Variants in ATXN1 observed in about 807,000 individuals in gnomAD.
ATXN1 encodes ataxin 1.
ATXN1 carries 8 observed loss-of-function variants against 56.4 expected under a neutral mutation model. The ratio of observed to expected loss-of-function variants is 0.14; its 90% confidence interval spans 0.08 to 0.26. The LOEUF is 0.26. Among genes scored for constraint, ATXN1 ranks in the 10% least tolerant of loss-of-function variants. The pLI is 1.00. For missense variants in ATXN1, 987 were observed against 1,106.5 expected (o/e 0.89, Z 1.53); for synonymous variants, 514 against 494.6 (o/e 1.04, Z -0.52).
chr6:16,681,618 T>G (rs1254015102), intron 2 of ATXN1, among the ~76,000 whole-genome samples: 2 of 152,248 alleles, frequency 1.3e-5, no homozygotes, highest in Non-Finnish European at 2.9e-5. Flanking sequence ...CCGTCTTTTT[T>G]ATTCCCATTA....
intron 3 of ATXN1, among the ~76,000 whole-genome samples, chr6:16,654,409 T>C (rs1394931033): frequency 6.6e-6 from 1 of 151,990 alleles, no homozygotes. Flanking sequence ...CTGGGCACGG[T>C]GGCGCATGCC....
chr6:16,403,683 A>G (rs1264442497), intron 6 of ATXN1, among the ~76,000 whole-genome samples: 1 of 152,042 alleles, frequency 6.6e-6, no homozygotes, highest in Non-Finnish European at 1.5e-5. Flanking sequence ...CTTTCATACC[A>G]TATTTATTAC....
chr6:16,359,627 A>G (rs1761765932), intron 6 of ATXN1, among the ~76,000 whole-genome samples: 1 of 152,092 alleles, frequency 6.6e-6, no homozygotes. Context: ...TGAGAGCTGA[A>G]CACTCAATGG....
chr6:16,430,065 G>A lies in ATXN1; in HGVS notation c.-161+55907C>T, dbSNP rs1006415761. Among the ~76,000 whole-genome samples the A allele has an allele frequency of 4.6e-5, 7 of 152,166 alleles. 1 individual carries two copies. In the East Asian group the frequency reaches 7.7e-4, roughly 17 times the overall value. ...TATTTTTGTGGCGGGTGTTGAGACT[G>A]AGAATAGAGTTAAATGTTAGGAAAA... On this transcript the variant is annotated intron_variant, in intron 6 of 7. Transcript: ENST00000436367.
intron 6 of ATXN1, among the ~76,000 whole-genome samples, chr6:16,484,511 G>A (rs142078189): frequency 1.9e-3 from 285 of 152,168 alleles, no homozygotes; most frequent in Non-Finnish European, 3.4e-3. Flanking sequence ...ATGGGGGCTC[G>A]CGACTTGCCC....
At position 16,410,410 on chromosome 6, in the gene ATXN1, G is replaced by A. The variant is rs763922853; in HGVS notation, c.-161+75562C>T. On this transcript the variant is annotated intron_variant, in intron 6 of 7. Transcript: ENST00000436367. This position sits in a 1 kb window ranked among gnomAD's most constrained non-coding sequence, Gnocchi z 4.6. ...AAGACTAAATCTGACTTACAAAGGT[G>A]AGGAGCAGGGAGTACATTTCTTTCC... Among the ~76,000 whole-genome samples, 191 of 152,330 alleles carry A rather than the reference G, an allele frequency of 1.3e-3. No individual in the cohort carries two copies. Among genetic ancestry groups the A allele is most frequent in the Non-Finnish European group, 1.6e-3 (112 of 68,028 alleles).
At position 16,654,992 on chromosome 6, in the gene ATXN1, A is replaced by G. The variant is rs534577609; in HGVS notation, c.-489+2784T>C. The stretch of plus-strand genomic sequence containing the variant: ...TGAAGGCAGAAAGCCAGCTGCTAAC[A>G]AGAGTGACATCTGAGCATCATTTCT... On this transcript the variant is annotated intron_variant, in intron 3 of 7. Coordinates refer to ENST00000436367, the MANE Select transcript of ATXN1 (RefSeq NM_001128164.2). Among the ~76,000 whole-genome samples the G allele has an allele frequency of 2.6e-5, 4 of 152,340 alleles. 1 individual carries two copies. In the East Asian group the frequency reaches 7.7e-4, roughly 29 times the overall value.
intron 3 of ATXN1, among the ~76,000 whole-genome samples, chr6:16,642,402 A>C (rs2113821971): frequency 6.6e-6 from 1 of 152,324 alleles, no homozygotes; most frequent in South Asian, 2.1e-4. Flanking sequence ...CTCAAAACAA[A>C]CAAACAAACA....
intron 2 of ATXN1, among the ~76,000 whole-genome samples, chr6:16,742,598 T>C (rs1282233761): frequency 6.6e-6 from 1 of 152,124 alleles, no homozygotes; most frequent in Non-Finnish European, 1.5e-5. Context: ...GTCCAACATA[T>C]GGTCGCTCAC....
intron 6 of ATXN1, among the ~76,000 whole-genome samples, chr6:16,461,497 T>C (rs914787192): frequency 6.6e-6 from 1 of 152,192 alleles, no homozygotes; most frequent in East Asian, 1.9e-4. Flanking sequence ...AGGCCCCTTT[T>C]GGGGAACAAA....
intron 6 of ATXN1, among the ~76,000 whole-genome samples, chr6:16,363,932 A>T (rs1581715200): frequency 6.6e-6 from 1 of 152,232 alleles, no homozygotes; most frequent in African/African-American, 2.4e-5. Flanking sequence ...ATAAAATCCC[A>T]ACCTAAAATT....
chr6:16,494,516 A>C (rs1234528847), intron 5 of ATXN1, among the ~76,000 whole-genome samples: 1 of 152,210 alleles, frequency 6.6e-6, no homozygotes, highest in Non-Finnish European at 1.5e-5. Flanking sequence ...ATGTTGATCC[A>C]TGTCACTGCT....
chr6:16,335,392 G>A (rs34088655), intron 6 of ATXN1, among the ~76,000 whole-genome samples: 1 of 152,074 alleles, frequency 6.6e-6, no homozygotes, highest in Non-Finnish European at 1.5e-5. Context: ...TGAGAGCCTC[G>A]CCCCAACGCG....
At chr6:16,604,551 GTTGTTCCTCTTCAGACAACTGGATT>G (rs1762968446) in intron 3 of ATXN1, among the ~76,000 whole-genome samples, 1 of 149,892 alleles carries the variant, frequency 6.7e-6, no homozygotes, top group Admixed American at 6.6e-5. Context: ...TCAGGAAGAA[GTTGTTCCTCTTCAGACAACTGGATT>G]TTGTTTCTCT....
Position 16,489,534 on chromosome 6 carries a change from C to T in ATXN1, c.-298-3425G>A, listed in dbSNP as rs186628445. Among the ~76,000 whole-genome samples the T allele has an allele frequency of 1.8e-4, 27 of 152,342 alleles. 1 individual carries two copies. The highest frequency in any genetic ancestry group is 1.5e-3 in the Admixed American group (23 of 15,300). ...TACAAACTCCCCCATTTCCTCATCA[C>T]CAGCAGCTTACATCACTAGCTCTCA... On this transcript the variant is annotated intron_variant, in intron 5 of 7. Transcript: ENST00000436367.
At chr6:16,329,401 C>T (rs543060376) in intron 6 of ATXN1, among the ~76,000 whole-genome samples, 147 of 152,246 alleles carry the variant, frequency 9.7e-4, no homozygotes, top group African/African-American at 3.0e-3. Context: ...CCCTAATACA[C>T]ACACACACAA....
Position 16,327,956 on chromosome 6 carries a change from G to T in ATXN1, c.355C>A (p.Gln119Lys). ...AAGGTGTGCGGCAGGTGAGCGTACT[G>T]CACGGGGGACACCGGGGTCCCTGGC... ...PQPGTPVSPV[Q>K]YAHLPHTFQF... is the part of the protein sequence containing the mutation. The change falls in exon 7 of 8, where the codon CAG becomes AAG. Residue 119 changes from glutamine (Q) to lysine (K), a missense_variant. Gln to Lys is a moderately conservative substitution (Grantham distance 53). This residue lies in a region of ATXN1 where 723 missense variants were observed against 791.7 expected (regional missense o/e 0.91). Transcript: ENST00000436367. 3 of 1,613,014 alleles carry T rather than the reference G, an allele frequency of 1.9e-6. No homozygotes were observed. The highest frequency in any genetic ancestry group is 1.7e-6 in the Non-Finnish European group (2 of 1,179,882).
intron 6 of ATXN1, among the ~76,000 whole-genome samples, chr6:16,441,596 A>C (rs940459673): frequency 6.6e-6 from 1 of 152,216 alleles, no homozygotes; most frequent in African/African-American, 2.4e-5. Flanking sequence ...CAGTAAGAAG[A>C]GATAAAGGAA....
At chr6:16,757,343 G>GA (rs1157306719) in intron 1 of ATXN1, among the ~76,000 whole-genome samples, 2 of 152,134 alleles carry the variant, frequency 1.3e-5, no homozygotes, top group Admixed American at 6.5e-5. Context: ...TTTGTGCACT[G>GA]AAAAATATAT....
Sources: allele counts gnomAD v4.1 joint callset (sites outside exome capture counted in the v4.1 genomes callset), GRCh38; gene constraint gnomAD v4.1.1; regional missense constraint gnomAD v4.1.1; non-coding constraint Gnocchi (gnomAD v3.1); transcripts MANE v1.5; gene names NCBI Gene and HGNC (gene_info 2026-07-23, HGNC 2026-07-21).